INTU: variants seen among roughly 807,000 people sequenced by gnomAD.
INTU encodes the protein inturned planar cell polarity protein, also known as protein inturned.
INTU carries 68 observed loss-of-function variants against 100.5 expected under a neutral mutation model. The observed-to-expected ratio is 0.68, with a 90% CI of 0.56 to 0.83. INTU has a LOEUF of 0.83. INTU is among the 40% of genes least tolerant of loss of function. The pLI is 0.00. For missense variants in INTU, 1,071 were observed against 1,114.7 expected, an observed-to-expected ratio of 0.96 and a Z score of 0.56; for synonymous variants, 357 against 395.7, an observed-to-expected ratio of 0.90 and a Z score of 1.16.
rs1731182178 is a variant in INTU, at chr4:127,714,090, T to G, written c.2714T>G (p.Val905Gly). ...CCACCAGTTATGGCTTACTGGGTAG[T>G]AGGGTAAGTGAGAAAAAAAAGTATT... The part of the protein sequence containing the change: ...KAPPVMAYWV[V>G]GRLFLHPKPQ... Residue 905 changes from valine to glycine, a missense_variant, in exon 15 of 16, where the codon GTA (valine) becomes GGA (glycine). Physicochemically the swap from Val to Gly is moderately radical, Grantham distance 109 (BLOSUM62 -3). Transcript: ENST00000335251. 6.2e-7 allele frequency: 1 copy of G among 1,608,892 alleles called. No homozygotes were observed. The highest frequency in any genetic ancestry group is 1.7e-5 in the Admixed American group (1 of 58,408).
chr4:127,709,282 G>T (rs545349730), intron 13 of INTU, among the ~76,000 whole-genome samples: 3 of 152,096 alleles, frequency 2.0e-5, no homozygotes, highest in Admixed American at 6.6e-5. Flanking sequence ...ACTTGTTGCC[G>T]CTGCAGCACA....
At chr4:127,638,626 A>C (rs1171951139) in intron 1 of INTU, among the ~76,000 whole-genome samples, 1 of 152,174 alleles carries the variant, frequency 6.6e-6, no homozygotes, top group Non-Finnish European at 1.5e-5. Context: ...TCTTTAATAT[A>C]TTTATGTTAC....
chr4:127,712,216 C>A (rs1731119954), intron 14 of INTU, among the ~76,000 whole-genome samples: 1 of 152,112 alleles, frequency 6.6e-6, no homozygotes, highest in South Asian at 2.1e-4. Context: ...AGCAAGTGGG[C>A]TGAATTACAT....
At chr4:127,650,745 AT>A (rs1194731471) in intron 2 of INTU, among the ~76,000 whole-genome samples, 2 of 151,506 alleles carry the variant, frequency 1.3e-5, no homozygotes, top group East Asian at 2.0e-4. Flanking sequence ...CAGTAATGGG[AT>A]GGCTGGGTCA....
chr4:127,678,138 A>G (rs1729323477), intron 6 of INTU, among the ~76,000 whole-genome samples: 1 of 152,240 alleles, frequency 6.6e-6, no homozygotes, highest in African/African-American at 2.4e-5. Flanking sequence ...GTGTACCTGA[A>G]AGTGATGGGG....
intron 3 of INTU, among the ~76,000 whole-genome samples, chr4:127,659,336 G>A (rs1728371637): frequency 6.6e-6 from 1 of 152,080 alleles, no homozygotes; most frequent in African/African-American, 2.4e-5. Context: ...ATAGAGAAGA[G>A]AGGAGTATGG....
At chr4:127,675,629 G>C (rs1055942662) in intron 6 of INTU, among the ~76,000 whole-genome samples, 3 of 152,152 alleles carry the variant, frequency 2.0e-5, no homozygotes, top group Non-Finnish European at 2.9e-5. Context: ...TGTTGGCCAG[G>C]GATAGACTTA....
At chr4:127,654,902 C>T (rs1404422489) in intron 2 of INTU, among the ~76,000 whole-genome samples, 1 of 144,428 alleles carries the variant, frequency 6.9e-6, no homozygotes, top group Admixed American at 7.0e-5. Context: ...TCCCATATTT[C>T]TTGGAGGCTT....
chr4:127,666,504 G>T (rs1179317339), intron 4 of INTU, among the ~76,000 whole-genome samples: 1 of 152,072 alleles, frequency 6.6e-6, no homozygotes, highest in Admixed American at 6.6e-5. Flanking sequence ...GTGGTTCTAG[G>T]CTCAGCTCAC....
chr4:127,677,295 T>C (rs1158651813), intron 6 of INTU, among the ~76,000 whole-genome samples: 2 of 151,922 alleles, frequency 1.3e-5, no homozygotes, highest in African/African-American at 2.4e-5. Context: ...GCAGACTGCC[T>C]CCTCAAGTGG....
intron 8 of INTU, among the ~76,000 whole-genome samples, chr4:127,688,971 C>CTTTTTTTTTTTTT (rs763570146): frequency 4.5e-5 from 4 of 88,026 alleles, no homozygotes; most frequent in African/African-American, 1.2e-4. Context: ...TTCTTTCTTT[C>CTTTTTTTTTTTTT]TTTTTTTTTT....
intron 8 of INTU, among the ~76,000 whole-genome samples, chr4:127,698,414 A>G (rs1024317484): frequency 6.6e-6 from 1 of 150,852 alleles, no homozygotes; most frequent in Non-Finnish European, 1.5e-5. Context: ...ATGAGCCAAG[A>G]TTGTGCCACT....
intron 9 of INTU, among the ~76,000 whole-genome samples, 169 bp downstream of exon 9, chr4:127,700,232 AG>A (rs1428432593): frequency 2.0e-5 from 3 of 152,172 alleles, no homozygotes; most frequent in African/African-American, 7.2e-5. Context: ...TTTTCTACTG[AG>A]TTTAAACAGT....
In INTU at chr4:127,666,483, G is replaced by C. The variant is rs376947974; in HGVS notation, c.973-2553G>C. ...TATTTCAGCCTTACTTGAGGGTATG[G>C]GCTTAATACAGTGGTTCTAGGCTCA... is the stretch of plus-strand genomic sequence containing the variant. On this transcript the variant is annotated intron_variant, in intron 4 of 15. Transcript: ENST00000335251. 2.6e-5 allele frequency among the ~76,000 whole-genome samples: 4 copies of C among 152,096 alleles called. No homozygotes were observed. The East Asian group carries it at 7.7e-4, about 29-fold the overall frequency.
intron 8 of INTU, among the ~76,000 whole-genome samples, chr4:127,698,804 G>A (rs990685411): frequency 6.6e-6 from 1 of 152,080 alleles, no homozygotes; most frequent in Non-Finnish European, 1.5e-5. Context: ...TTAGTAGCAG[G>A]AATAGCAACT....
chr4:127,660,722 G>A (rs1001009958), intron 3 of INTU, among the ~76,000 whole-genome samples: 1 of 152,158 alleles, frequency 6.6e-6, no homozygotes, highest in Non-Finnish European at 1.5e-5. Context: ...CTGAGGAAAG[G>A]CTGGGCAAAC....
At chr4:127,701,672 T>G (rs1730656270) in intron 9 of INTU, among the ~76,000 whole-genome samples, 1 of 152,120 alleles carries the variant, frequency 6.6e-6, no homozygotes, top group South Asian at 2.1e-4. Flanking sequence ...TGAAACAAGA[T>G]AAGCCATGGA....
At position 127,673,618 on chromosome 4, in the gene INTU, A is replaced by G. The variant is rs926034147; in HGVS notation, c.1092-506A>G. Among the ~76,000 whole-genome samples, 62 of 142,006 alleles carry G rather than the reference A, an allele frequency of 4.4e-4. 1 individual carries two copies. The highest frequency in any genetic ancestry group is 2.2e-4 in the Admixed American group (3 of 13,952). The allele number at this position is 142,006 out of a possible 152,430, so 93.2% of individuals were successfully genotyped here. A position where few individuals can be genotyped will look rare whatever the true frequency, so the allele number is the denominator to read the frequency against. ...GAGTTTTCTTTTTTCTTTTTTTGAG[A>G]TAGAGTCTCACTGTGTCACCTAGGC... On this transcript the variant is annotated intron_variant, in intron 5 of 15. Coordinates refer to ENST00000335251, the MANE Select transcript of INTU (RefSeq NM_015693.4).
intron 6 of INTU, 128 bp downstream of exon 6, chr4:127,674,341 A>G: frequency 3.0e-6 from 2 of 677,856 alleles, no homozygotes; most frequent in South Asian, 2.1e-5. Context: ...GATCTATTGC[A>G]CTAGTAAAAT....
Sources: gnomAD v4.1 joint callset for allele counts (sites outside exome capture counted in the v4.1 genomes callset) on GRCh38, gnomAD v4.1.1 for gene constraint, MANE v1.5 for transcripts, NCBI Gene and HGNC (gene_info 2026-07-23, HGNC 2026-07-21) for gene names.